The following FADS2 variants were observed in gnomAD, a reference collection of about 807,000 sequenced individuals.
FADS2 encodes acyl-CoA 6-desaturase.
FADS2 carries 18 observed loss-of-function variants against 61.2 expected under a neutral mutation model. The observed-to-expected ratio is 0.29, with a 90% CI of 0.20 to 0.44. The LOEUF (loss-of-function observed/expected upper bound fraction) is 0.44, where lower values mean the gene tolerates loss of function less well. FADS2 is among the 20% of genes least tolerant of loss of function. The pLI is 1.00. For missense variants in FADS2, 322 were observed against 572.7 expected (o/e 0.56, Z 4.47); for synonymous variants, 203 against 223.9 (o/e 0.91, Z 0.83).
In FADS2 at chr11:61,863,036, T is replaced by A. The variant is rs2067431208; in HGVS notation, c.947T>A (p.Ile316Asn). ...FFITYIPFYG[I>N]LGALLFLNFI... The stretch of plus-strand genomic sequence containing the variant: ...ATCACCTACATCCCTTTCTACGGCA[T>A]CCTGGGAGCCCTCCTTTTCCTCAAC... The change falls in exon 8 of 12, where the codon ATC becomes AAC. Residue 316 changes from isoleucine (I) to asparagine (N), a missense_variant. By Grantham distance (149) the Ile-to-Asn change is moderately radical. This residue lies in a region of FADS2 where 221 missense variants were observed against 427.9 expected (regional missense o/e 0.52). Transcript: ENST00000278840. 1 of 1,614,228 alleles carries A rather than the reference T, an allele frequency of 6.2e-7. No homozygotes were observed. Among genetic ancestry groups the A allele is most frequent in the Non-Finnish European group, 8.5e-7 (1 of 1,180,024 alleles).
At chr11:61,859,757 C>G (rs1344684386) in intron 7 of FADS2, among the ~76,000 whole-genome samples, 1 of 137,566 alleles carries the variant, frequency 7.3e-6, no homozygotes. Flanking sequence ...GAGGCCGAGG[C>G]GGGCAGATCA....
chr11:61,858,593 C>CT (rs375725104), intron 7 of FADS2, among the ~76,000 whole-genome samples: 10,185 of 147,800 alleles, frequency 0.069, 441 homozygotes, highest in Non-Finnish European at 0.096. Flanking sequence ...ATTACGTCAT[C>CT]TTTTTTTTTT....
Position 61,828,426 on chromosome 11 carries a change from C to T in FADS2, c.36C>T (p.Ala12=), listed in dbSNP as rs781199101. ...GKGGNQGEGA[A]EREVSVPTFS... Reference sequence around the variant, plus strand: ...GAGGGAACCAGGGCGAGGGGGCCGCCGAGCGCGAGGTGTCGGTGCCCACCT... The same window carrying T: ...GAGGGAACCAGGGCGAGGGGGCCGCTGAGCGCGAGGTGTCGGTGCCCACCT... Residue 12 remains alanine, a synonymous_variant, in exon 1 of 12, where the codon GCC becomes GCT. Coordinates refer to ENST00000278840, the MANE Select transcript of FADS2 (RefSeq NM_004265.4). The surrounding 1 kb of genome is among the most constrained non-coding windows in gnomAD (Gnocchi z 6.4). 1.3e-6 allele frequency: 2 copies of T among 1,583,410 alleles called. No homozygotes were observed. Among genetic ancestry groups the T allele is most frequent in the Non-Finnish European group, 1.7e-6 (2 of 1,166,382 alleles).
At chr11:61,854,606 C>T (rs1010399834) in intron 5 of FADS2, 1 of 152,262 alleles carries the variant, frequency 6.6e-6, no homozygotes, top group African/African-American at 2.4e-5. Context: ...TCTAAAATAC[C>T]TCTCCCTCCC....
At chr11:61,859,203 A>C (rs1350966099) in intron 7 of FADS2, among the ~76,000 whole-genome samples, 1 of 151,930 alleles carries the variant, frequency 6.6e-6, no homozygotes, top group Non-Finnish European at 1.5e-5. Flanking sequence ...GATTACAGGC[A>C]TGCGCCACCA....
In FADS2 at chr11:61,865,328, A is replaced by G. The variant is rs374253903; in HGVS notation, c.1283+51A>G. On this transcript the variant is annotated intron_variant, in intron 11 of 11. Coordinates refer to ENST00000278840, the MANE Select transcript of FADS2 (RefSeq NM_004265.4). The surrounding 1 kb of genome is among the most constrained non-coding windows in gnomAD (Gnocchi z 4.1). The stretch of plus-strand genomic sequence containing the variant: ...TGGGCCCTGGGATCACCCGTGGTGC[A>G]GACAGTGGGATCACAAGAGGGGCTG... The G allele has an allele frequency of 2.2e-5, 35 of 1,599,478 alleles. No homozygotes were observed. The highest frequency in any genetic ancestry group is 2.2e-4 in the Middle Eastern group (1 of 4,538).
At chr11:61,854,477 A>G (rs1427911130) in intron 5 of FADS2, 2 of 152,310 alleles carry the variant, frequency 1.3e-5, no homozygotes, top group African/African-American at 4.8e-5. Flanking sequence ...AACCCAAACC[A>G]TCTGGCTGCA....
At chr11:61,844,592 G>A (rs574504612) in intron 4 of FADS2, among the ~76,000 whole-genome samples, 6 of 151,424 alleles carry the variant, frequency 4.0e-5, no homozygotes, top group Non-Finnish European at 8.8e-5. Context: ...CTAATCGCTT[G>A]GTTGACAGAA....
chr11:61,829,226 G>C (rs2067107823), intron 1 of FADS2: 1 of 152,482 alleles, frequency 6.6e-6, no homozygotes. Flanking sequence ...GCCTTCTTGG[G>C]GACCGGCGTC....
intron 1 of FADS2, among the ~76,000 whole-genome samples, chr11:61,830,625 G>A (rs1454768512): frequency 1.3e-5 from 2 of 152,224 alleles, no homozygotes; most frequent in Non-Finnish European, 2.9e-5. Context: ...CTTGGATGTT[G>A]GTTGCTTTGT....
At position 61,840,348 on chromosome 11, in the gene FADS2, G is replaced by A. The variant is rs2067208019; in HGVS notation, c.333G>A (p.Glu111=). The A allele has an allele frequency of 1.9e-6, 3 of 1,614,128 alleles. No individual in the cohort carries two copies. Among genetic ancestry groups the A allele is most frequent in the Non-Finnish European group, 2.5e-6 (3 of 1,179,996 alleles). The change falls in exon 3 of 12, where the codon GAG becomes GAA. Residue 111 remains glutamate, a synonymous_variant. Coordinates refer to ENST00000278840, the MANE Select transcript of FADS2 (RefSeq NM_004265.4). ...QDHGKNSKIT[E]DFRALRKTAE... is the part of the protein sequence containing the mutation. ...TTGGTCAACAGTCAAAGATCACTGAGGACTTCCGGGCCCTGAGGAAGACGG... is the reference window on the plus strand; with the variant it reads ...TTGGTCAACAGTCAAAGATCACTGAAGACTTCCGGGCCCTGAGGAAGACGG...
At chr11:61,848,071 G>A (rs980159625) in intron 4 of FADS2, 88 bp from the exon 5 acceptor site, 74 of 1,555,476 alleles carry the variant, frequency 4.8e-5, no homozygotes, top group Non-Finnish European at 5.9e-5. Context: ...TGAAGGTTCC[G>A]GGAACTGCTC....
chr11:61,828,430 C>A lies in FADS2; in HGVS notation c.40C>A (p.Arg14Ser). The stretch of plus-strand genomic sequence containing the variant: ...GAACCAGGGCGAGGGGGCCGCCGAG[C>A]GCGAGGTGTCGGTGCCCACCTTCAG... ...GGNQGEGAAE[R>S]EVSVPTFSWE... Residue 14 changes from arginine to serine, a missense_variant, in exon 1 of 12, where the codon CGC becomes AGC. Physicochemically the swap from Arg to Ser is moderately radical, Grantham distance 110. Coordinates refer to ENST00000278840, the MANE Select transcript of FADS2 (RefSeq NM_004265.4). This position sits in a 1 kb window ranked among gnomAD's most constrained non-coding sequence, Gnocchi z 6.4. 1 of 1,586,534 alleles carries A rather than the reference C, an allele frequency of 6.3e-7. No individual in the cohort carries two copies. The highest frequency in any genetic ancestry group is 8.6e-7 in the Non-Finnish European group (1 of 1,168,056).
At chr11:61,826,765 A>G (rs1206245415), upstream of FADS2, among the ~76,000 whole-genome samples, 1 of 152,124 alleles carries the variant, frequency 6.6e-6, no homozygotes, top group Admixed American at 6.6e-5. Context: ...GACTGTGTGA[A>G]TGTGAGGAAA....
At chr11:61,826,760 T>A (rs1009129246), upstream of FADS2, among the ~76,000 whole-genome samples, 2 of 152,054 alleles carry the variant, frequency 1.3e-5, no homozygotes, top group Non-Finnish European at 2.9e-5. Flanking sequence ...TTGGGGACTG[T>A]GTGAATGTGA....
chr11:61,855,668 C>T (rs174601), intron 5 of FADS2: 70,378 of 152,134 alleles, frequency 0.46, 17,573 homozygotes, highest in African/African-American at 0.61. Context: ...AAGATGCAAG[C>T]CTTGGGGACA....
intron 5 of FADS2, among the ~76,000 whole-genome samples, chr11:61,852,489 G>T (rs561594305): frequency 6.6e-6 from 1 of 152,234 alleles, no homozygotes; most frequent in African/African-American, 2.4e-5. Flanking sequence ...TCGAACTCCT[G>T]ACCTCAAGTG....
rs199573356 is a variant in FADS2, at chr11:61,821,385, G to GA, written c.141+4968dup. On this transcript the variant is annotated intron_variant, in intron 1 of 11. Coordinates refer to the FADS2 transcript ENST00000257261. ...CCCACCATTTTCTCTCTAAAGAAAA[G>GA]AAAAAAAAAGACCTTAATGCCGATT... 3.8e-3 allele frequency: 2,593 copies of GA among 686,304 alleles called. 7 individuals carry two copies. Among genetic ancestry groups the GA allele is most frequent in the Middle Eastern group, 0.013 (56 of 4,292 alleles). 42.5% of individuals were successfully genotyped at this position (686,304 alleles called of 1,614,324 possible).
rs1395514086 is a variant in FADS2 at position 61,863,707 on chromosome 11, C to T, written c.1078C>T (p.Leu360=). Residue 360 remains leucine (L), a splice_region_variant and synonymous_variant, in exon 10 of 12, where the codon CTG becomes TTG. Transcript: ENST00000278840. ...EAYRDWFSSQ[L]TATCNVEQSF... ...TGACACTCATCCCCTCCACTGACAG[C>T]TGACAGCCACCTGCAACGTGGAGCA... 1 of 1,613,654 alleles carries T rather than the reference C, an allele frequency of 6.2e-7. No individual in the cohort carries two copies. Among genetic ancestry groups the T allele is most frequent in the Admixed American group, 1.7e-5 (1 of 60,030 alleles).
Sources: gnomAD v4.1 joint callset for allele counts (sites outside exome capture counted in the v4.1 genomes callset) on GRCh38, gnomAD v4.1.1 for gene constraint, gnomAD v4.1.1 regional missense constraint, Gnocchi (gnomAD v3.1) non-coding constraint, MANE v1.5 for transcripts, NCBI Gene and HGNC (gene_info 2026-07-23, HGNC 2026-07-21) for gene names.